TRPM3: variants seen among roughly 807,000 people sequenced by gnomAD.
TRPM3 encodes transient receptor potential cation channel subfamily M member 3.
In TRPM3, 77 loss-of-function variants were observed where a neutral mutation model predicts 181.2. The ratio of observed to expected loss-of-function variants is 0.42; its 90% CI spans 0.35 to 0.51. TRPM3 has a LOEUF of 0.51. TRPM3 is among the 20% of genes least tolerant of loss of function. The pLI, the probability that TRPM3 is intolerant of heterozygous loss-of-function variation, is 0.01. For missense variants in TRPM3, 1,759 were observed against 2,196.7 expected (o/e 0.80, Z 3.98); for synonymous variants, 745 against 796.4 (o/e 0.94, Z 1.09).
chr9:70,555,468 T>C (rs979099547), intron 22 of TRPM3, among the ~76,000 whole-genome samples: 1 of 152,214 alleles, frequency 6.6e-6, no homozygotes, highest in Non-Finnish European at 1.5e-5. Flanking sequence ...CACATCCACA[T>C]GCACCTGTAC....
At position 70,877,198 on chromosome 9, in the gene TRPM3, C is replaced by T. The variant is rs187963544; in HGVS notation, c.178-12687G>A. Among the ~76,000 whole-genome samples the T allele has an allele frequency of 5.8e-3, 883 of 152,002 alleles. 2 individuals are homozygous for T. The highest frequency in any genetic ancestry group is 8.7e-3 in the Non-Finnish European group (588 of 67,912). On this transcript the variant is annotated intron_variant, in intron 1 of 25. Coordinates refer to ENST00000677713, the MANE Select transcript of TRPM3 (RefSeq NM_001366145.2). The stretch of plus-strand genomic sequence containing the variant: ...TTACTTTCAAAATAGAGCCCAGGTT[C>T]GTTACTGGATCTCACCGGCCTTACA...
chr9:71,367,992 GCACACACACATGTGAGTGTATGTGTACA>G (rs2092392135), intron 1 of TRPM3, among the ~76,000 whole-genome samples: 1 of 111,002 alleles, frequency 9.0e-6, no homozygotes, highest in Non-Finnish European at 2.1e-5. Flanking sequence ...ACATATATGT[GCACACACACATGTGAGTGTATGTGTACA>G]CACACACATA....
At chr9:71,015,544 T>C (rs2097777668) in intron 1 of TRPM3, among the ~76,000 whole-genome samples, 1 of 152,202 alleles carries the variant, frequency 6.6e-6, no homozygotes, top group African/African-American at 2.4e-5. Flanking sequence ...TATAAGCAAG[T>C]AATGGCATAA....
chr9:71,184,024 C>T (rs962254970), intron 1 of TRPM3, among the ~76,000 whole-genome samples: 3 of 152,064 alleles, frequency 2.0e-5, no homozygotes, highest in Non-Finnish European at 2.9e-5. Flanking sequence ...TCTCTCACAC[C>T]CTTGCCAGGA....
intron 22 of TRPM3, among the ~76,000 whole-genome samples, chr9:70,563,960 T>C (rs1163675692): frequency 6.6e-6 from 1 of 152,188 alleles, no homozygotes; most frequent in Non-Finnish European, 1.5e-5. Context: ...TTGAACCTAC[T>C]CTGTGTAGTT....
intron 1 of TRPM3, among the ~76,000 whole-genome samples, chr9:71,261,055 G>C (rs1457206581): frequency 1.3e-5 from 2 of 152,150 alleles, no homozygotes; most frequent in Non-Finnish European, 2.9e-5. Flanking sequence ...GGCCTGCCTT[G>C]CTAGGTTGGG....
At chr9:71,162,081 T>C (rs1420810255) in intron 1 of TRPM3, among the ~76,000 whole-genome samples, 1 of 151,370 alleles carries the variant, frequency 6.6e-6, no homozygotes, top group East Asian at 1.9e-4. Context: ...GTTTCTGTAA[T>C]TCCAACTACT....
chr9:70,881,083 A>G (rs1412133270), intron 1 of TRPM3, among the ~76,000 whole-genome samples: 1 of 152,060 alleles, frequency 6.6e-6, no homozygotes, highest in Non-Finnish European at 1.5e-5. Flanking sequence ...GTTTTTGTTA[A>G]ATTTTTTTTA....
chr9:70,963,493 C>T (rs80289198), intron 1 of TRPM3, among the ~76,000 whole-genome samples: 3,212 of 152,018 alleles, frequency 0.021, 118 homozygotes, highest in African/African-American at 0.073. Context: ...ATTGGAGGGG[C>T]CCAAGAGGAG....
intron 6 of TRPM3, among the ~76,000 whole-genome samples, chr9:70,811,981 ATTGGCAGGTTTCCTACCAAT>A (rs1218648373): frequency 1.3e-5 from 2 of 152,162 alleles, no homozygotes; most frequent in Non-Finnish European, 2.9e-5. Context: ...TTTCAGTATA[ATTGGCAGGTTTCCTACCAAT>A]TTGGTTATTG....
At chr9:71,332,321 A>C (rs1015015564) in intron 1 of TRPM3, among the ~76,000 whole-genome samples, 1 of 150,822 alleles carries the variant, frequency 6.6e-6, no homozygotes, top group African/African-American at 2.4e-5. Context: ...TCTTTGGCTA[A>C]AGTCTGTCTA....
chr9:71,207,805 A>G (rs985123082), intron 1 of TRPM3, among the ~76,000 whole-genome samples: 3 of 152,174 alleles, frequency 2.0e-5, no homozygotes, highest in Non-Finnish European at 4.4e-5. Flanking sequence ...AAAACTCAAT[A>G]TAAAAGAACA....
intron 1 of TRPM3, among the ~76,000 whole-genome samples, chr9:71,308,074 G>C (rs942187362): frequency 6.6e-6 from 1 of 150,942 alleles, no homozygotes; most frequent in Non-Finnish European, 1.5e-5. Context: ...GGGTTCAAGT[G>C]ATTCTCCTGC....
intron 7 of TRPM3, among the ~76,000 whole-genome samples, chr9:70,773,723 C>T (rs942590587): frequency 9.2e-5 from 14 of 152,310 alleles, no homozygotes; most frequent in Non-Finnish European, 2.1e-4. Flanking sequence ...ATTTCTCGTT[C>T]TTCATCTCCT....
chr9:71,183,631 T>TTAGG, intron 1 of TRPM3, among the ~76,000 whole-genome samples: 1 of 152,256 alleles, frequency 6.6e-6, no homozygotes, highest in South Asian at 2.1e-4. Context: ...GATTATTTAT[T>TTAGG]TAGGCTACTT....
At chr9:70,585,898 C>A (rs1475714733) in intron 22 of TRPM3, among the ~76,000 whole-genome samples, 2 of 152,102 alleles carry the variant, frequency 1.3e-5, no homozygotes, top group Non-Finnish European at 2.9e-5. Context: ...GGATCTGTAC[C>A]CCGTCTGTCT....
chr9:71,327,015 C>T (rs1354983417), intron 1 of TRPM3, among the ~76,000 whole-genome samples: 1 of 152,162 alleles, frequency 6.6e-6, no homozygotes, highest in Non-Finnish European at 1.5e-5. Context: ...GACTGATCAA[C>T]CATGTGTGCT....
At chr9:70,941,098 A>C (rs116619501) in intron 1 of TRPM3, among the ~76,000 whole-genome samples, 2,778 of 152,318 alleles carry the variant, frequency 0.018, 95 homozygotes, top group African/African-American at 0.063. Context: ...ATTGGATTGA[A>C]GGATGCAAAG....
At chr9:71,155,124 TACA>T (rs886837532) in intron 1 of TRPM3, among the ~76,000 whole-genome samples, 2 of 152,118 alleles carry the variant, frequency 1.3e-5, no homozygotes, top group South Asian at 2.1e-4. Context: ...CCCCTATTTG[TACA>T]ACATCTGTAT....
Sources: gnomAD v4.1 joint callset for allele counts (sites outside exome capture counted in the v4.1 genomes callset) on GRCh38, gnomAD v4.1.1 for gene constraint, MANE v1.5 for transcripts, NCBI Gene and HGNC (gene_info 2026-07-23, HGNC 2026-07-21) for gene names.